The following CLPB variants were observed in gnomAD, a reference collection of about 807,000 sequenced individuals.
CLPB encodes ClpB family mitochondrial disaggregase.
Under a neutral mutation model 78.4 loss-of-function variants are expected in CLPB, and 40 were observed. The ratio of observed to expected loss-of-function variants is 0.51; its 90% CI spans 0.40 to 0.66. The LOEUF is 0.66. Among genes scored for constraint, CLPB ranks in the 30% least tolerant of loss-of-function variants. CLPB has a pLI of 0.00. For missense variants in CLPB, 780 were observed against 886.9 expected, an observed-to-expected ratio of 0.88 and a Z score of 1.53; for synonymous variants, 333 against 348.0, an observed-to-expected ratio of 0.96 and a Z score of 0.48.
intron 2 of CLPB, among the ~76,000 whole-genome samples, chr11:72,418,499 A>G (rs1204935867): frequency 1.3e-5 from 2 of 152,238 alleles, no homozygotes; most frequent in African/African-American, 4.8e-5. Flanking sequence ...GGTCACAGCC[A>G]GGATTCAAGC....
At chr11:72,390,285 A>G (rs1215368343) in intron 3 of CLPB, among the ~76,000 whole-genome samples, 2 of 152,038 alleles carry the variant, frequency 1.3e-5, no homozygotes, top group East Asian at 3.9e-4. Flanking sequence ...TAAAAATACA[A>G]AAATTAGCCA....
At chr11:72,402,916 G>C (rs1370262259) in intron 3 of CLPB, 50 bp downstream of exon 3, 1 of 1,504,666 alleles carries the variant, frequency 6.6e-7, no homozygotes. Flanking sequence ...CAGGAGCACA[G>C]TCTGCAGAGA....
intron 2 of CLPB, among the ~76,000 whole-genome samples, chr11:72,403,384 T>C (rs943508503): frequency 6.6e-6 from 1 of 152,196 alleles, no homozygotes; most frequent in African/African-American, 2.4e-5. Flanking sequence ...CCTAACTTAA[T>C]ACTCTGACAC....
At position 72,285,581 on chromosome 11, in the gene CLPB, G is replaced by T. The variant is rs977679900; in HGVS notation, c.*7786C>A. The T allele has an allele frequency of 1.3e-5, 2 of 152,088 alleles. No homozygotes were observed. The highest frequency in any genetic ancestry group is 2.4e-5 in the African/African-American group (1 of 41,430). 9.4% of individuals were successfully genotyped at this position (152,088 alleles called of 1,614,324 possible). On this transcript the variant is annotated 3_prime_UTR_variant, in exon 16 of 16. Transcript: ENST00000538039. ...TATTAAATCATCCTTTCTAAAACTT[G>T]ATGTTTTTTCACTTGTCAGGTCTTA...
chr11:72,348,185 T>C (rs1950548780), intron 5 of CLPB, among the ~76,000 whole-genome samples: 1 of 152,224 alleles, frequency 6.6e-6, no homozygotes, highest in Non-Finnish European at 1.5e-5. Context: ...TGGTTGCCTC[T>C]GAGGAGGACC....
chr11:72,412,353 G>C (rs1243136873), intron 2 of CLPB, among the ~76,000 whole-genome samples: 1 of 152,240 alleles, frequency 6.6e-6, no homozygotes, highest in Non-Finnish European at 1.5e-5. Context: ...AGCAGTGAGG[G>C]AGGGGAGAGG....
Position 72,286,223 on chromosome 11 carries a change from G to GTTTTTTTTTTTTTGTTTTTTTTTTTTTT in CLPB, c.*7143_*7144insAAAAAAAAAAAAAACAAAAAAAAAAAAA, listed in dbSNP as rs1949387065. On this transcript the variant is annotated 3_prime_UTR_variant, in exon 16 of 16. Transcript: ENST00000538039. ...ATTACAGGTGTGAGATACTGCACCTGTTTTTTTTTTTTTTTTTTTTTTTAA... is the reference window on the plus strand; with the variant it reads ...ATTACAGGTGTGAGATACTGCACCTGTTTTTTTTTTTTTGTTTTTTTTTTTTTTTTTTTTTTTTTTTTTTTTTTTTTAA... 3 of 60,450 alleles carry GTTTTTTTTTTTTTGTTTTTTTTTTTTTT rather than the reference G, an allele frequency of 5.0e-5. No individual in the cohort carries two copies. The highest frequency in any genetic ancestry group is 2.1e-4 in the African/African-American group (3 of 14,464). 3.7% of individuals were successfully genotyped at this position (60,450 alleles called of 1,614,324 possible).
intron 1 of CLPB, among the ~76,000 whole-genome samples, chr11:72,433,623 G>A (rs1408789998): frequency 6.6e-6 from 1 of 152,000 alleles, no homozygotes; most frequent in African/African-American, 2.4e-5. Flanking sequence ...AACCGAGTCA[G>A]GTTGTTCCTG....
chr11:72,391,298 C>G (rs950592811), intron 3 of CLPB, among the ~76,000 whole-genome samples: 1 of 152,178 alleles, frequency 6.6e-6, no homozygotes, highest in African/African-American at 2.4e-5. Flanking sequence ...TTGGTGACAC[C>G]ATCACCAACT....
chr11:72,378,923 T>G (rs1385925198), intron 4 of CLPB, among the ~76,000 whole-genome samples: 1 of 152,082 alleles, frequency 6.6e-6, no homozygotes, highest in Non-Finnish European at 1.5e-5. Flanking sequence ...TGAGGGCAGG[T>G]TGCAATTATT....
At chr11:72,408,791 A>C (rs1416348237) in intron 2 of CLPB, among the ~76,000 whole-genome samples, 1 of 152,102 alleles carries the variant, frequency 6.6e-6, no homozygotes, top group African/African-American at 2.4e-5. Flanking sequence ...AGAAAGTTGG[A>C]ATTTTACAAA....
Position 72,302,103 on chromosome 11 carries a change from T to C in CLPB, c.1168-139A>G, listed in dbSNP as rs78401393. 4.2e-3 allele frequency: 4,402 copies of C among 1,039,048 alleles called. 15 individuals carry two copies. Among genetic ancestry groups the C allele is most frequent in the Non-Finnish European group, 5.4e-3 (3,823 of 703,780 alleles). 64.4% of individuals were successfully genotyped at this position (1,039,048 alleles called of 1,614,324 possible). The stretch of plus-strand genomic sequence containing the variant: ...AGATGATTGGCTGTCCATCTCCTGG[T>C]GTGGCAGATAGATCTTCTCTATGTT... On this transcript the variant is annotated intron_variant, in intron 10 of 15. Transcript: ENST00000538039.
chr11:72,407,457 C>T (rs918402999), intron 2 of CLPB, among the ~76,000 whole-genome samples: 9 of 152,126 alleles, frequency 5.9e-5, no homozygotes, highest in African/African-American at 1.7e-4. Flanking sequence ...GTTTGCATTT[C>T]GGGATTTTCT....
At position 72,329,744 on chromosome 11, in the gene CLPB, C is replaced by T. The variant is rs1950189176; in HGVS notation, c.836G>A (p.Gly279Glu). The change falls in exon 6 of 16, where the codon GGG becomes GAG. Residue 279 changes from glycine (G) to glutamate (E), a missense_variant. This residue lies in a region of CLPB where 417 missense variants were observed against 414.7 expected (regional missense o/e 1.01). Transcript: ENST00000538039. ...GHTPLDYARE[G>E]EVMKLLRTSE... The stretch of plus-strand genomic sequence containing the variant: ...AGTCCTCAGAAGCTTCATCACTTCC[C>T]CTTCTCGGGCATAATCCAAGGGTGT... The T allele has an allele frequency of 6.2e-7, 1 of 1,614,024 alleles. No homozygotes were observed. Among genetic ancestry groups the T allele is most frequent in the Non-Finnish European group, 8.5e-7 (1 of 1,179,944 alleles).
At chr11:72,381,591 T>A (rs1854915478) in intron 3 of CLPB, among the ~76,000 whole-genome samples, 1 of 152,176 alleles carries the variant, frequency 6.6e-6, no homozygotes, top group Admixed American at 6.5e-5. Flanking sequence ...CCCAGGGCTC[T>A]AGACTCCCCC....
intron 2 of CLPB, among the ~76,000 whole-genome samples, chr11:72,428,278 C>A: frequency 6.6e-6 from 1 of 152,288 alleles, no homozygotes; most frequent in East Asian, 1.9e-4. Context: ...CTTAACAGAT[C>A]GGCCCTCAGC....
At chr11:72,333,221 C>G (rs750850189) in intron 5 of CLPB, among the ~76,000 whole-genome samples, 2 of 152,154 alleles carry the variant, frequency 1.3e-5, no homozygotes, top group Non-Finnish European at 1.5e-5. Context: ...GATGAAAAAG[C>G]CTTCAGTTGG....
intron 9 of CLPB, chr11:72,303,004 G>T (rs1949686982): frequency 6.6e-6 from 1 of 152,564 alleles, no homozygotes; most frequent in African/African-American, 2.4e-5. Flanking sequence ...GGGTGTAGGG[G>T]TGATTTCCGA....
chr11:72,428,348 C>T (rs913674989), intron 2 of CLPB, among the ~76,000 whole-genome samples: 1 of 152,154 alleles, frequency 6.6e-6, no homozygotes, highest in Admixed American at 6.6e-5. Context: ...TGGGTCATTC[C>T]CCTGCTCAAA....
Sources: gnomAD v4.1 joint callset for allele counts (sites outside exome capture counted in the v4.1 genomes callset) on GRCh38, gnomAD v4.1.1 for gene constraint, gnomAD v4.1.1 regional missense constraint, MANE v1.5 for transcripts, NCBI Gene and HGNC (gene_info 2026-07-23, HGNC 2026-07-21) for gene names.